Variants in AGAP1 observed in about 807,000 individuals in gnomAD.
AGAP1 encodes the protein arf-GAP with GTPase, ANK repeat and PH domain-containing protein 1.
In AGAP1, 29 loss-of-function variants were observed where a neutral mutation model predicts 105.3. That is an observed-to-expected ratio of 0.28 (90% confidence interval 0.21 to 0.38). AGAP1 has a LOEUF of 0.38. Ranked by LOEUF, AGAP1 falls within the 10% of genes least tolerant of loss-of-function variation. The pLI is 1.00. For missense variants in AGAP1, 998 were observed against 1,165.1 expected, an observed-to-expected ratio of 0.86 and a Z score of 2.09; for synonymous variants, 509 against 485.9, an observed-to-expected ratio of 1.05 and a Z score of -0.63.
At chr2:235,653,611 G>T (rs1329334471) in intron 1 of AGAP1, among the ~76,000 whole-genome samples, 1 of 152,166 alleles carries the variant, frequency 6.6e-6, no homozygotes, top group Non-Finnish European at 1.5e-5. Context: ...TAGTAAAGGG[G>T]GAGCTATCCA....
In AGAP1 at chr2:235,991,111, A is replaced by G. The variant is rs1013579542; in HGVS notation, c.1645+22488A>G. ...GTTTGTAGTTAACATCACGTGCTATATGCTTATGTTCTACTGTATTGTGTA... is the reference window on the plus strand; with the variant it reads ...GTTTGTAGTTAACATCACGTGCTATGTGCTTATGTTCTACTGTATTGTGTA... On this transcript the variant is annotated intron_variant, in intron 13 of 17. Transcript: ENST00000304032. Among the ~76,000 whole-genome samples, 4 of 152,214 alleles carry G rather than the reference A, an allele frequency of 2.6e-5. No homozygotes were observed. The South Asian group carries it at 8.3e-4, about 32-fold the overall frequency.
intron 13 of AGAP1, among the ~76,000 whole-genome samples, chr2:236,022,754 C>T (rs780258165): frequency 1.2e-4 from 19 of 152,130 alleles, no homozygotes; most frequent in Admixed American, 1.2e-3. Flanking sequence ...AGGCTGCTCC[C>T]GAACTCCTCA....
At chr2:235,809,937 T>C (rs915941111) in intron 9 of AGAP1, among the ~76,000 whole-genome samples, 1 of 152,188 alleles carries the variant, frequency 6.6e-6, no homozygotes, top group East Asian at 1.9e-4. Flanking sequence ...GCCACAGTTA[T>C]GGTAGCTGTG....
rs190189661 is a variant in AGAP1 at position 236,101,303 on chromosome 2, C to T, written c.2115-18889C>T. Among the ~76,000 whole-genome samples, 1 of 152,254 alleles carries T rather than the reference C, an allele frequency of 6.6e-6. No homozygotes were observed. Among genetic ancestry groups the T allele is most frequent in the East Asian group, 1.9e-4 (1 of 5,172 alleles). ...TTGTTCCAAAGCAATGGTCCTATGT[C>T]TTTAAACAATAATATTACCACAGGC... On this transcript the variant is annotated intron_variant, in intron 16 of 17. Transcript: ENST00000304032. The surrounding 1 kb of genome is among the most constrained non-coding windows in gnomAD (Gnocchi z 4.9).
At position 236,051,475 on chromosome 2, in the gene AGAP1, CCCAGGG is replaced by C. The variant is rs979996783; in HGVS notation, c.2114+2207_2114+2212del. 9.2e-5 allele frequency among the ~76,000 whole-genome samples: 14 copies of C among 151,894 alleles called. No homozygotes were observed. Among genetic ancestry groups the C allele is most frequent in the African/African-American group, 2.2e-4 (9 of 41,400 alleles). The stretch of plus-strand genomic sequence containing the variant: ...CTGGACTCTGAAATAGGGGGTGATT[CCCAGGG>C]CCAGGGCCAGGGGACCAGGTGGGAA... On this transcript the variant is annotated intron_variant, in intron 16 of 17. Coordinates refer to ENST00000304032, the MANE Select transcript of AGAP1 (RefSeq NM_001037131.3). This position sits in a 1 kb window ranked among gnomAD's most constrained non-coding sequence, Gnocchi z 5.9.
Position 235,789,572 on chromosome 2 carries a change from C to T in AGAP1, c.674-8187C>T, listed in dbSNP as rs185170738. Reference sequence around the variant, plus strand: ...AAAGCTTCACTAGAAGAAATTTAAGCAAGCTTGGCTTTTTAACCACAGCCT... The same window carrying T: ...AAAGCTTCACTAGAAGAAATTTAAGTAAGCTTGGCTTTTTAACCACAGCCT... On this transcript the variant is annotated intron_variant, in intron 6 of 17. Coordinates refer to ENST00000304032, the MANE Select transcript of AGAP1 (RefSeq NM_001037131.3). This position sits in a 1 kb window ranked among gnomAD's most constrained non-coding sequence, Gnocchi z 4.2. 6.6e-6 allele frequency among the ~76,000 whole-genome samples: 1 copy of T among 152,092 alleles called. No individual in the cohort carries two copies. Among genetic ancestry groups the T allele is most frequent in the Non-Finnish European group, 1.5e-5 (1 of 68,022 alleles).
chr2:235,924,572 C>T (rs2052353550), intron 11 of AGAP1, among the ~76,000 whole-genome samples: 1 of 152,194 alleles, frequency 6.6e-6, no homozygotes, highest in African/African-American at 2.4e-5. Flanking sequence ...GGTTAGCCTG[C>T]CCTAGGTTCC....
intron 1 of AGAP1, among the ~76,000 whole-genome samples, chr2:235,520,308 C>G (rs1942566478): frequency 6.6e-6 from 1 of 152,190 alleles, no homozygotes; most frequent in Non-Finnish European, 1.5e-5. Flanking sequence ...GAATCAGGAT[C>G]AAATACTGTG....
At chr2:235,783,489 C>A (rs1033254990) in intron 6 of AGAP1, 42 of 410,164 alleles carry the variant, frequency 1.0e-4, no homozygotes, top group Middle Eastern at 3.6e-4. Context: ...TGCTGTGTGT[C>A]ACTGTGGAGA....
At position 235,874,868 on chromosome 2, in the gene AGAP1, G is replaced by C. The variant is rs116763503; in HGVS notation, c.1051-8477G>C. Among the ~76,000 whole-genome samples, 370 of 152,232 alleles carry C rather than the reference G, an allele frequency of 2.4e-3. 1 individual carries two copies. Among genetic ancestry groups the C allele is most frequent in the African/African-American group, 8.0e-3 (333 of 41,556 alleles). ...GCTCATGGATCAAGGCAGAGGATGA[G>C]TTTAAAAACTGGTACTAAAATACCC... On this transcript the variant is annotated intron_variant, in intron 9 of 17. Transcript: ENST00000304032. This position sits in a 1 kb window ranked among gnomAD's most constrained non-coding sequence, Gnocchi z 4.5.
At chr2:235,779,579 T>C (rs1171182880) in intron 6 of AGAP1, among the ~76,000 whole-genome samples, 2 of 152,184 alleles carry the variant, frequency 1.3e-5, no homozygotes, top group African/African-American at 4.8e-5. Context: ...GAGCCCAAGC[T>C]GCTCCTTGGA....
In AGAP1 at chr2:235,663,042, G is replaced by C. The variant is rs985756039; in HGVS notation, c.164-46137G>C. ...GACACGCTGGCTAATAGAGGAAGGA[G>C]AGCTGGGTATGGTGGCTCACACCTG... is the stretch of plus-strand genomic sequence containing the variant. On this transcript the variant is annotated intron_variant, in intron 1 of 17. Transcript: ENST00000304032. This position sits in a 1 kb window ranked among gnomAD's most constrained non-coding sequence, Gnocchi z 5.4. Among the ~76,000 whole-genome samples the C allele has an allele frequency of 3.3e-5, 5 of 152,198 alleles. No homozygotes were observed. In the East Asian group the frequency reaches 9.7e-4, roughly 29 times the overall value.
At position 236,036,541 on chromosome 2, in the gene AGAP1, T is replaced by C. The variant is rs1202701390; in HGVS notation, c.1646-20T>C. The C allele has an allele frequency of 3.7e-6, 6 of 1,612,976 alleles. No homozygotes were observed. The highest frequency in any genetic ancestry group is 4.2e-6 in the Non-Finnish European group (5 of 1,179,388). ...TGTCTCATAAAAGCTAAACTCTTCA[T>C]CCCACACTCTGTGTTTCAGAACAAG... On this transcript the variant is annotated intron_variant, in intron 13 of 17. Transcript: ENST00000304032. The surrounding 1 kb of genome is among the most constrained non-coding windows in gnomAD (Gnocchi z 5.7).
intron 1 of AGAP1, among the ~76,000 whole-genome samples, chr2:235,686,620 GATATATATATATATAT>G (rs1194270184): frequency 5.4e-4 from 31 of 57,246 alleles, no homozygotes; most frequent in African/African-American, 2.7e-3. Flanking sequence ...TGGAGATATA[GATATATATATATATAT>G]ATATATATAG....
In AGAP1 at chr2:235,553,258, G is replaced by C. The variant is rs1943870251; in HGVS notation, c.163+58409G>C. Among the ~76,000 whole-genome samples the C allele has an allele frequency of 6.6e-6, 1 of 151,542 alleles. No individual in the cohort carries two copies. The highest frequency in any genetic ancestry group is 2.4e-5 in the African/African-American group (1 of 41,284). ...AGGCTTTTTATATTAAGGGCTGGGG[G>C]AAGAGGAGGGGGTTGAGATCAAGAG... On this transcript the variant is annotated intron_variant, in intron 1 of 17. Transcript: ENST00000304032. The surrounding 1 kb of genome is among the most constrained non-coding windows in gnomAD (Gnocchi z 4.5).
intron 11 of AGAP1, among the ~76,000 whole-genome samples, chr2:235,928,647 G>A (rs994286348): frequency 3.9e-4 from 59 of 152,188 alleles, no homozygotes; most frequent in Admixed American, 2.0e-4. Flanking sequence ...TGGTGGGCAC[G>A]GGCTCCAGGA....
chr2:235,930,802 C>A lies in AGAP1; in HGVS notation c.1362C>A (p.Ser454Arg), dbSNP rs1216753025. ...GTGCATCTGGGTCTCAGATGGCAAGCGGCATCAGCCTGGTCTCCTTCAACA... is the reference window on the plus strand; with the variant it reads ...GTGCATCTGGGTCTCAGATGGCAAGAGGCATCAGCCTGGTCTCCTTCAACA... ...VTSASGSQMA[S>R]GISLVSFNSR... Residue 454 changes from serine (S) to arginine (R), a missense_variant, in exon 12 of 18, where the codon AGC (serine) becomes AGA (arginine). Coordinates refer to ENST00000304032, the MANE Select transcript of AGAP1 (RefSeq NM_001037131.3). The surrounding 1 kb of genome is among the most constrained non-coding windows in gnomAD (Gnocchi z 7.9). 8 of 1,613,934 alleles carry A rather than the reference C, an allele frequency of 5.0e-6. No individual in the cohort carries two copies. The highest frequency in any genetic ancestry group is 6.8e-6 in the Non-Finnish European group (8 of 1,179,964).
Position 235,664,314 on chromosome 2 carries a change from C to T in AGAP1, c.164-44865C>T, listed in dbSNP as rs149524356. Among the ~76,000 whole-genome samples, 360 of 152,028 alleles carry T rather than the reference C, an allele frequency of 2.4e-3. 10 individuals are homozygous for T. The East Asian group carries it at 0.064, about 27-fold the overall frequency. ...GCAACCTCTGCCTCCTGGGTTCAAG[C>T]GATTTCCCTACCTCAGCCCCCCAGG... On this transcript the variant is annotated intron_variant, in intron 1 of 17. Coordinates refer to ENST00000304032, the MANE Select transcript of AGAP1 (RefSeq NM_001037131.3). This position sits in a 1 kb window ranked among gnomAD's most constrained non-coding sequence, Gnocchi z 5.7.
intron 1 of AGAP1, among the ~76,000 whole-genome samples, chr2:235,676,786 C>T (rs1042982640): frequency 1.3e-5 from 2 of 152,024 alleles, no homozygotes; most frequent in Non-Finnish European, 2.9e-5. Context: ...ATTATATTAA[C>T]TTAAAATGAT....
Sources: gnomAD v4.1 joint callset for allele counts (sites outside exome capture counted in the v4.1 genomes callset) on GRCh38, gnomAD v4.1.1 for gene constraint, Gnocchi (gnomAD v3.1) non-coding constraint, MANE v1.5 for transcripts, NCBI Gene and HGNC (gene_info 2026-07-23, HGNC 2026-07-21) for gene names.